The following PLD5 variants were observed in gnomAD, a reference collection of about 807,000 sequenced individuals.
PLD5 encodes inactive phospholipase D5.
In PLD5, 36 loss-of-function variants were observed where a neutral mutation model predicts 61.1. The observed-to-expected ratio is 0.59, with a 90% CI of 0.45 to 0.78. The LOEUF (loss-of-function observed/expected upper bound fraction) is 0.78, where lower values mean the gene tolerates loss of function less well. PLD5 is among the 30% of genes least tolerant of loss of function. PLD5 has a pLI of 0.00. For missense variants in PLD5, 515 were observed against 644.4 expected, an observed-to-expected ratio of 0.80 and a Z score of 2.17; for synonymous variants, 243 against 242.8, an observed-to-expected ratio of 1.00 and a Z score of -0.01.
intron 1 of PLD5, among the ~76,000 whole-genome samples, chr1:242,433,271 T>G (rs1294412137): frequency 6.6e-6 from 1 of 152,174 alleles, no homozygotes; most frequent in Non-Finnish European, 1.5e-5. Flanking sequence ...CCATGCACAT[T>G]GCAAAAACCA....
chr1:242,132,580 C>A (rs548416038), intron 5 of PLD5, among the ~76,000 whole-genome samples: 1 of 152,202 alleles, frequency 6.6e-6, no homozygotes, highest in South Asian at 2.1e-4. Flanking sequence ...TTACTAGGAG[C>A]TCTAAGTTGA....
chr1:242,389,564 A>AG (rs555581457), intron 1 of PLD5, among the ~76,000 whole-genome samples: 20 of 151,870 alleles, frequency 1.3e-4, no homozygotes, highest in South Asian at 1.0e-3. Context: ...AAATACTCTG[A>AG]GGGGGGGAAA....
chr1:242,524,109 C>G lies in PLD5; in HGVS notation c.168G>C (p.Arg56=). The part of the protein sequence containing the change: ...QQDYSASVWL[R]RKDKLEHSQQ... The stretch of plus-strand genomic sequence containing the variant: ...TTACGTGCTCCAGCTTGTCTTTCCT[C>G]CGAAGCCAGACGCTGGCGCTGTAGT... The change falls in exon 1 of 10, where the codon CGG becomes CGC. Residue 56 remains arginine, a synonymous_variant. Transcript: ENST00000536534. 1 of 1,535,168 alleles carries G rather than the reference C, an allele frequency of 6.5e-7. No individual in the cohort carries two copies. The highest frequency in any genetic ancestry group is 8.7e-7 in the Non-Finnish European group (1 of 1,146,336).
intron 2 of PLD5, among the ~76,000 whole-genome samples, chr1:242,302,830 T>C (rs1676139869): frequency 6.6e-6 from 1 of 152,212 alleles, no homozygotes; most frequent in Non-Finnish European, 1.5e-5. Context: ...TTTTTTCTTC[T>C]TCTTAATCTG....
At chr1:242,309,786 A>C (rs1454032771) in intron 2 of PLD5, among the ~76,000 whole-genome samples, 9 of 150,496 alleles carry the variant, frequency 6.0e-5, no homozygotes, top group Admixed American at 4.7e-4. Flanking sequence ...TTGAAGATGG[A>C]AATTTCCAAG....
intron 5 of PLD5, among the ~76,000 whole-genome samples, chr1:242,198,795 C>T (rs753355312): frequency 3.3e-5 from 5 of 151,174 alleles, no homozygotes; most frequent in Admixed American, 6.6e-5. Context: ...AGTGCAGTGG[C>T]GCAGTCTCAG....
intron 5 of PLD5, among the ~76,000 whole-genome samples, chr1:242,206,308 C>T (rs1669308780): frequency 6.6e-6 from 1 of 152,216 alleles, no homozygotes; most frequent in Non-Finnish European, 1.5e-5. Context: ...GTTCTTACAG[C>T]CCATCAGTCA....
At chr1:242,166,537 G>A (rs1362677590) in intron 5 of PLD5, among the ~76,000 whole-genome samples, 2 of 152,292 alleles carry the variant, frequency 1.3e-5, no homozygotes, top group South Asian at 4.1e-4. Flanking sequence ...CTTTGGCACA[G>A]ATGCATCATT....
Position 242,256,768 on chromosome 1 carries a change from A to C in PLD5, c.607+8569T>G, listed in dbSNP as rs1558403228. Among the ~76,000 whole-genome samples, 2 of 151,520 alleles carry C rather than the reference A, an allele frequency of 1.3e-5. No homozygotes were observed. Among genetic ancestry groups the C allele is most frequent in the Admixed American group, 6.6e-5 (1 of 15,214 alleles). On this transcript the variant is annotated intron_variant, in intron 4 of 9. Transcript: ENST00000536534. This position sits in a 1 kb window ranked among gnomAD's most constrained non-coding sequence, Gnocchi z 5.7. Reference sequence around the variant, plus strand: ...CTATCATCTATCTATCTATCTATCTATCTATCTATCTATCTATCTATCTAT... The same window carrying C: ...CTATCATCTATCTATCTATCTATCTCTCTATCTATCTATCTATCTATCTAT...
At chr1:242,249,940 C>T (rs186379789) in intron 4 of PLD5, among the ~76,000 whole-genome samples, 303 of 152,254 alleles carry the variant, frequency 2.0e-3, no homozygotes, top group African/African-American at 7.0e-3. Context: ...TCAAAATGCT[C>T]GTACCATCAA....
intron 1 of PLD5, among the ~76,000 whole-genome samples, chr1:242,360,195 C>T (rs1158379324): frequency 6.6e-6 from 1 of 152,154 alleles, no homozygotes; most frequent in Non-Finnish European, 1.5e-5. Flanking sequence ...CCCTGGGCCA[C>T]ACTTTTGAAC....
intron 1 of PLD5, among the ~76,000 whole-genome samples, chr1:242,498,520 T>C (rs975037345): frequency 4.6e-5 from 7 of 152,230 alleles, no homozygotes; most frequent in African/African-American, 1.4e-4. Flanking sequence ...TTGAAATTTA[T>C]GAGAAAAACA....
intron 1 of PLD5, among the ~76,000 whole-genome samples, chr1:242,425,684 C>T (rs1390385401): frequency 6.8e-6 from 1 of 148,108 alleles, no homozygotes; most frequent in East Asian, 2.0e-4. Context: ...GCTCTGTCAC[C>T]CAGGCTGGAG....
At chr1:242,128,604 C>T (rs1662989717) in intron 5 of PLD5, among the ~76,000 whole-genome samples, 2 of 152,196 alleles carry the variant, frequency 1.3e-5, no homozygotes, top group African/African-American at 2.4e-5. Flanking sequence ...TGAAGAAAGA[C>T]AACTGCTCTT....
chr1:242,497,565 A>C (rs1265219720), intron 1 of PLD5, among the ~76,000 whole-genome samples: 1 of 152,202 alleles, frequency 6.6e-6, no homozygotes, highest in Non-Finnish European at 1.5e-5. Context: ...CTGGGTTTGA[A>C]TACCAGGTCT....
At chr1:242,257,965 T>C (rs893636761) in intron 4 of PLD5, among the ~76,000 whole-genome samples, 4 of 152,200 alleles carry the variant, frequency 2.6e-5, no homozygotes, top group African/African-American at 4.8e-5. Flanking sequence ...CAAGCTCTCA[T>C]GATTAGCCCC....
chr1:242,272,493 C>T (rs983343029), intron 3 of PLD5, among the ~76,000 whole-genome samples: 11 of 152,052 alleles, frequency 7.2e-5, no homozygotes, highest in African/African-American at 2.4e-4. Flanking sequence ...CTTGTAACTG[C>T]CATTAAGAAG....
intron 1 of PLD5, among the ~76,000 whole-genome samples, chr1:242,435,281 C>T (rs1665935342): frequency 6.6e-6 from 1 of 151,954 alleles, no homozygotes; most frequent in Admixed American, 6.6e-5. Context: ...ATCTGAGTCC[C>T]TAGTGCATGC....
chr1:242,356,878 C>T (rs1201672607), intron 1 of PLD5, among the ~76,000 whole-genome samples: 1 of 152,022 alleles, frequency 6.6e-6, no homozygotes, highest in Admixed American at 6.6e-5. Flanking sequence ...TAATATATAT[C>T]TCCTGACAAT....
Sources: allele counts gnomAD v4.1 joint callset (sites outside exome capture counted in the v4.1 genomes callset), GRCh38; gene constraint gnomAD v4.1.1; non-coding constraint Gnocchi (gnomAD v3.1); transcripts MANE v1.5; gene names NCBI Gene and HGNC (gene_info 2026-07-23, HGNC 2026-07-21).